Variants in ZIC1 observed in about 807,000 individuals in gnomAD.
The protein encoded by ZIC1 is Zic family zinc finger 1, also known as zinc finger protein ZIC 1.
In ZIC1, 4 loss-of-function variants were observed where a neutral mutation model predicts 30.9. That is an observed-to-expected ratio of 0.13 (90% CI 0.06 to 0.30). The LOEUF (loss-of-function observed/expected upper bound fraction) is 0.30, where lower values mean the gene tolerates loss of function less well. Among genes scored for constraint, ZIC1 ranks in the 10% least tolerant of loss-of-function variants. The probability of loss-of-function intolerance (pLI) is 1.00; values close to 1 mark genes in which losing one functional copy is unlikely to be tolerated. For missense variants in ZIC1, 441 were observed against 639.3 expected (o/e 0.69, Z 3.34); for synonymous variants, 305 against 277.5 (o/e 1.10, Z -0.98).
Position 147,410,693 on chromosome 3 carries a change from T to A in ZIC1, c.581T>A (p.Leu194Gln). The A allele has an allele frequency of 6.2e-7, 1 of 1,613,986 alleles. No homozygotes were observed. The highest frequency in any genetic ancestry group is 8.5e-7 in the Non-Finnish European group (1 of 1,179,946). Reference protein sequence around the residue: ...PRSEHYAAPQLHGYGPMNVNM... With the variant: ...PRSEHYAAPQQHGYGPMNVNM... ...TCGGAGCACTATGCTGCGCCGCAGC[T>A]GCACGGCTACGGGCCCATGAACGTG... The change falls in exon 1 of 3, where the codon CTG becomes CAG. Residue 194 changes from leucine to glutamine, a missense_variant. Physicochemically the swap from Leu to Gln is moderately radical, Grantham distance 113. Coordinates refer to ENST00000282928, the MANE Select transcript of ZIC1 (RefSeq NM_003412.4).
rs1404263948 is a variant in ZIC1 at position 147,410,527 on chromosome 3, G to A, written c.415G>A (p.Gly139Ser). Residue 139 changes from glycine to serine, a missense_variant, in exon 1 of 3, where the codon GGC becomes AGC. Physicochemically the swap from Gly to Ser is moderately conservative, Grantham distance 56. Transcript: ENST00000282928. ...GGPHGHTDAAGHLLFPGLHEQ... is the reference protein window; with the variant it reads ...GGPHGHTDAASHLLFPGLHEQ... ...CCCACACGGCCACACGGACGCCGCG[G>A]GCCACCTCCTCTTCCCCGGGCTTCA... The A allele has an allele frequency of 1.2e-6, 2 of 1,609,476 alleles. No individual in the cohort carries two copies. The highest frequency in any genetic ancestry group is 2.2e-5 in the East Asian group (1 of 44,810).
intron 1 of ZIC1, 79 bp from the exon 2 acceptor site, chr3:147,412,439 T>A: frequency 6.4e-7 from 1 of 1,550,408 alleles, no homozygotes; most frequent in Non-Finnish European, 8.8e-7. Context: ...TTTTATTTTT[T>A]TTCTATTTGT....
rs754009015 is a variant in ZIC1, at chr3:147,413,437, G to A, written c.1230G>A (p.Val410=). The change falls in exon 3 of 3, where the codon GTG becomes GTA. Residue 410 remains valine (V), a synonymous_variant. Transcript: ENST00000282928. ...GYESSTPPTI[V]SPSTDNPTTS... is the part of the protein sequence containing the mutation. Reference sequence around the variant, plus strand: ...AATCCTCCACGCCTCCCACCATCGTGTCTCCCTCCACAGACAACCCGACCA... The same window carrying A: ...AATCCTCCACGCCTCCCACCATCGTATCTCCCTCCACAGACAACCCGACCA... 6.2e-7 allele frequency: 1 copy of A among 1,614,082 alleles called. No homozygotes were observed. The highest frequency in any genetic ancestry group is 8.5e-7 in the Non-Finnish European group (1 of 1,180,018).
rs372811924 is a variant in ZIC1 at position 147,412,606 on chromosome 3, G to C, written c.1071G>C (p.Thr357=). 51 of 1,614,088 alleles carry C rather than the reference G, an allele frequency of 3.2e-5. No homozygotes were observed. The highest frequency in any genetic ancestry group is 4.0e-5 in the African/African-American group (3 of 74,930). The part of the protein sequence containing the change: ...SDRKKHMHVH[T]SDKPYLCKMC... ...GCAAGAAGCACATGCACGTGCACAC[G>C]AGCGACAAGCCCTATCTTTGCAAGA... is the stretch of plus-strand genomic sequence containing the variant. The change falls in exon 2 of 3, where the codon ACG becomes ACC. Residue 357 remains threonine, a synonymous_variant. Coordinates refer to ENST00000282928, the MANE Select transcript of ZIC1 (RefSeq NM_003412.4).
At chr3:147,411,619 G>A (rs1204919078) in intron 1 of ZIC1, among the ~76,000 whole-genome samples, 3 of 152,124 alleles carry the variant, frequency 2.0e-5, no homozygotes, top group Non-Finnish European at 4.4e-5. Flanking sequence ...GAAATAATTT[G>A]GGATTGAGGA....
intron 1 of ZIC1, among the ~76,000 whole-genome samples, chr3:147,412,224 G>A (rs912124523): frequency 1.3e-5 from 2 of 151,972 alleles, no homozygotes; most frequent in Non-Finnish European, 2.9e-5. Flanking sequence ...GTAGCTCTGG[G>A]TAATACGAGT....
Position 147,410,762 on chromosome 3 carries a change from T to G in ZIC1, c.650T>G (p.Met217Arg). ...GGCGCCGGCGCCTTCTTCCGCTACA[T>G]GCGCCAACCCATCAAGCAAGAGCTC... ...HHGAGAFFRYMRQPIKQELIC... is the reference protein window; with the variant it reads ...HHGAGAFFRYRRQPIKQELIC... Residue 217 changes from methionine (M) to arginine (R), a missense_variant, in exon 1 of 3, where the codon ATG (methionine) becomes AGG (arginine). Around this residue, in one of 5 missense-constraint regions of ZIC1, gnomAD observed 307 missense variants for 355.3 expected, o/e 0.86. Transcript: ENST00000282928. The G allele has an allele frequency of 6.2e-7, 1 of 1,614,170 alleles. No homozygotes were observed. The highest frequency in any genetic ancestry group is 8.5e-7 in the Non-Finnish European group (1 of 1,180,018).
Position 147,415,942 on chromosome 3 carries a change from TG to T in ZIC1, c.*2395del, listed in dbSNP as rs1324937744. 3 of 152,184 alleles carry T rather than the reference TG, an allele frequency of 2.0e-5. No individual in the cohort carries two copies. Among genetic ancestry groups the T allele is most frequent in the Non-Finnish European group, 4.4e-5 (3 of 68,012 alleles). 9.4% of individuals were successfully genotyped at this position (152,184 alleles called of 1,614,324 possible). On this transcript the variant is annotated 3_prime_UTR_variant, in exon 3 of 3. Transcript: ENST00000282928. ...GCACTTACTGTACCACATCAAACACTGGGGAGGGTGGTGTTTAACTTTTTAA... is the reference window on the plus strand; with the variant it reads ...GCACTTACTGTACCACATCAAACACTGGGAGGGTGGTGTTTAACTTTTTAA...
At chr3:147,411,207 G>A (rs1244156835) in intron 1 of ZIC1, 113 bp downstream of exon 1, 1 of 1,428,362 alleles carries the variant, frequency 7.0e-7, no homozygotes, top group Non-Finnish European at 9.3e-7. Context: ...CGGGCGTCAG[G>A]TTCCGGCAGG....
At position 147,411,170 on chromosome 3, in the gene ZIC1, C is replaced by A. The variant is rs917972031; in HGVS notation, c.982+76C>A. The A allele has an allele frequency of 2.0e-6, 3 of 1,529,396 alleles. No homozygotes were observed. The South Asian group carries it at 3.9e-5, about 20-fold the overall frequency. The allele number at this position is 1,529,396 out of a possible 1,614,324, so 94.7% of individuals were successfully genotyped here. A position where few individuals can be genotyped will look rare whatever the true frequency, so the allele number is the denominator to read the frequency against. ...CCAAACCGAAAGTCAGCGGCCAGGTCGCACAAACGCAGCCTCGGTGGGATC... is the reference window on the plus strand; with the variant it reads ...CCAAACCGAAAGTCAGCGGCCAGGTAGCACAAACGCAGCCTCGGTGGGATC... On this transcript the variant is annotated intron_variant, in intron 1 of 2. Coordinates refer to ENST00000282928, the MANE Select transcript of ZIC1 (RefSeq NM_003412.4).
chr3:147,415,405 T>A lies in ZIC1; in HGVS notation c.*1854T>A, dbSNP rs1257885823. On this transcript the variant is annotated 3_prime_UTR_variant, in exon 3 of 3. Coordinates refer to ENST00000282928, the MANE Select transcript of ZIC1 (RefSeq NM_003412.4). The stretch of plus-strand genomic sequence containing the variant: ...CAGAATGCCTTTTCTCTAAATCAGA[T>A]TGTCTTTCTTGCAGTTTAGTTTGAT... The A allele has an allele frequency of 6.6e-6, 1 of 152,666 alleles. No individual in the cohort carries two copies. The highest frequency in any genetic ancestry group is 1.9e-4 in the East Asian group (1 of 5,202). 9.5% of individuals were successfully genotyped at this position (152,666 alleles called of 1,614,324 possible). A position where few individuals can be genotyped will look rare whatever the true frequency, so the allele number is the denominator to read the frequency against.
In ZIC1 at chr3:147,410,901, C is replaced by T. The variant is rs142534672; in HGVS notation, c.789C>T (p.Gly263=). The change falls in exon 1 of 3, where the codon GGC becomes GGT. Residue 263 remains glycine (G), a synonymous_variant. Transcript: ENST00000282928. The part of the protein sequence containing the change: ...VTHVTVEHVG[G]PEQSNHICFW... The stretch of plus-strand genomic sequence containing the variant: ...ACGTCACCGTGGAGCACGTAGGTGG[C>T]CCGGAGCAGAGTAATCACATCTGCT... The T allele has an allele frequency of 1.5e-3, 2,357 of 1,614,254 alleles. 34 individuals carry two copies. The African/African-American group carries it at 0.027, about 19-fold the overall frequency.
Position 147,409,952 on chromosome 3 carries a change from G to A in ZIC1, c.-161G>A. Reference sequence around the variant, plus strand: ...GCCCGGGCGCGCCGCGCCATTGCCTGCAGGCTAGGACTTCGCGAGGTGGGT... The same window carrying A: ...GCCCGGGCGCGCCGCGCCATTGCCTACAGGCTAGGACTTCGCGAGGTGGGT... On this transcript the variant is annotated 5_prime_UTR_variant, in exon 1 of 3. Transcript: ENST00000282928. 1.3e-6 allele frequency: 1 copy of A among 768,096 alleles called. No homozygotes were observed. Among genetic ancestry groups the A allele is most frequent in the South Asian group, 2.3e-5 (1 of 42,852 alleles). The allele number at this position is 768,096 out of a possible 1,614,324, so 47.6% of individuals were successfully genotyped here.
chr3:147,412,472 G>C (rs1179829481), intron 1 of ZIC1, 46 bp from the exon 2 acceptor site: 8 of 1,596,668 alleles, frequency 5.0e-6, no homozygotes, highest in Admixed American at 3.6e-5. Context: ...AAACGGCCGC[G>C]GTATTTTTTT....
At chr3:147,411,210 C>T in intron 1 of ZIC1, 116 bp downstream of exon 1, 2 of 1,413,048 alleles carry the variant, frequency 1.4e-6, no homozygotes, top group Non-Finnish European at 1.9e-6. Flanking sequence ...GCGTCAGGTT[C>T]CGGCAGGCAG....
At position 147,416,623 on chromosome 3, in the gene ZIC1, T is replaced by A. The variant is rs1236750384; in HGVS notation, c.*3072T>A. 1 of 152,206 alleles carries A rather than the reference T, an allele frequency of 6.6e-6. No homozygotes were observed. 9.4% of individuals were successfully genotyped at this position (152,206 alleles called of 1,614,324 possible). A position where few individuals can be genotyped will look rare whatever the true frequency, so the allele number is the denominator to read the frequency against. On this transcript the variant is annotated 3_prime_UTR_variant, in exon 3 of 3. Coordinates refer to ENST00000282928, the MANE Select transcript of ZIC1 (RefSeq NM_003412.4). The stretch of plus-strand genomic sequence containing the variant: ...ATCTGTTTAGACTGTGAAGGCCAAA[T>A]AATTTTTAAGAAAACATTTGAAGAG...
rs970249869 is a variant in ZIC1, at chr3:147,409,516, A to AC, written c.-590dup. 2.1e-4 allele frequency: 27 copies of AC among 129,964 alleles called. No homozygotes were observed. Among genetic ancestry groups the AC allele is most frequent in the East Asian group, 6.6e-4 (3 of 4,516 alleles). The allele number at this position is 129,964 out of a possible 1,614,324, so 8.1% of individuals were successfully genotyped here. A position where few individuals can be genotyped will look rare whatever the true frequency, so the allele number is the denominator to read the frequency against. ...TCTTTGGCTTTTTCTTTCTTTCTTCACCCCCCCACCCACTTTTTTTTTTTT... is the reference window on the plus strand; with the variant it reads ...TCTTTGGCTTTTTCTTTCTTTCTTCACCCCCCCCACCCACTTTTTTTTTTTT... On this transcript the variant is annotated 5_prime_UTR_variant, in exon 1 of 3. An upstream open reading frame in the 5' UTR gains an earlier in-frame stop. Transcript: ENST00000282928.
chr3:147,410,019 T>C lies in ZIC1; in HGVS notation c.-94T>C. ...CTCCTCTTCTTCCTCCTCTTCCTCCTCCTCTTGTTCCTCCTCCTCCTCCCG... is the reference window on the plus strand; with the variant it reads ...CTCCTCTTCTTCCTCCTCTTCCTCCCCCTCTTGTTCCTCCTCCTCCTCCCG... On this transcript the variant is annotated 5_prime_UTR_variant, in exon 1 of 3. Transcript: ENST00000282928. The C allele has an allele frequency of 1.6e-6, 2 of 1,284,222 alleles. No homozygotes were observed. The highest frequency in any genetic ancestry group is 1.0e-6 in the Non-Finnish European group (1 of 988,850). 79.6% of individuals were successfully genotyped at this position (1,284,222 alleles called of 1,614,324 possible).
intron 2 of ZIC1, 142 bp from the exon 3 acceptor site, chr3:147,413,212 C>T: frequency 1.1e-6 from 1 of 874,922 alleles, no homozygotes; most frequent in South Asian, 1.8e-5. Context: ...GAAACCAAGC[C>T]CAAAGTCCCG....
Sources: gnomAD v4.1 joint callset for allele counts (sites outside exome capture counted in the v4.1 genomes callset) on GRCh38, gnomAD v4.1.1 for gene constraint, gnomAD v4.1.1 regional missense constraint, MANE v1.5 for transcripts, NCBI Gene and HGNC (gene_info 2026-07-23, HGNC 2026-07-21) for gene names.